The following FTCDNL1 variants were observed in gnomAD, a reference collection of about 807,000 sequenced individuals.
The protein encoded by FTCDNL1 is formiminotransferase cyclodeaminase N-terminal like, also known as formiminotransferase N-terminal subdomain-containing protein.
Under a neutral mutation model 5.9 loss-of-function variants are expected in FTCDNL1, and 11 were observed. The ratio of observed to expected loss-of-function variants is 1.87; its 90% CI spans 1.18 to 3.10. The LOEUF (loss-of-function observed/expected upper bound fraction) is 3.10. FTCDNL1 is among the 30% of genes most tolerant of loss of function. FTCDNL1 has a pLI of 0.00. For missense variants in FTCDNL1, 115 were observed against 65.5 expected (o/e 1.76, Z -2.61); for synonymous variants, 58 against 24.8 (o/e 2.34, Z -3.99).
rs1491523190 is a variant in FTCDNL1 at position 199,765,531 on chromosome 2, A to ATT, written c.212-4698_212-4697dup. On this transcript the variant is annotated intron_variant, in intron 3 of 3. Transcript: ENST00000416668. The stretch of plus-strand genomic sequence containing the variant: ...CACGTGGCATCTCTTTTTTGTCTTC[A>ATT]TTATATATATATATATATATATATA... Among the ~76,000 whole-genome samples the ATT allele has an allele frequency of 2.6e-3, 246 of 94,558 alleles. 4 individuals are homozygous for ATT. The highest frequency in any genetic ancestry group is 7.5e-3 in the African/African-American group (227 of 30,406). 62.0% of individuals were successfully genotyped at this position (94,558 alleles called of 152,430 possible).
At chr2:199,751,729 C>CA in the FTCDNL1 span, among the ~76,000 whole-genome samples, 1 of 139,438 alleles carries the variant, frequency 7.2e-6, no homozygotes, top group Non-Finnish European at 1.5e-5. Context: ...CCAGTTTAAG[C>CA]AAAAAGTGTT....
At chr2:199,831,020 T>C (rs10202415) in intron 3 of FTCDNL1, among the ~76,000 whole-genome samples, 3,631 of 152,302 alleles carry the variant, frequency 0.024, 58 homozygotes, top group Middle Eastern at 0.048. Flanking sequence ...AAAACTCTAC[T>C]GCACATCACT....
At chr2:199,737,933 T>C in the FTCDNL1 span, among the ~76,000 whole-genome samples, 2 of 152,262 alleles carry the variant, frequency 1.3e-5, no homozygotes, top group South Asian at 4.2e-4. Flanking sequence ...AGACATAAGG[T>C]TCCCTGTTTC....
At chr2:199,708,055 C>T in the FTCDNL1 span, among the ~76,000 whole-genome samples, 1 of 151,912 alleles carries the variant, frequency 6.6e-6, no homozygotes, top group Non-Finnish European at 1.5e-5. Context: ...ATTCCAAATA[C>T]ATTTATGTTA....
At chr2:199,728,861 A>T in the FTCDNL1 span, among the ~76,000 whole-genome samples, 1 of 152,260 alleles carries the variant, frequency 6.6e-6, no homozygotes, top group African/African-American at 2.4e-5. Flanking sequence ...ACATCAGGGC[A>T]TGATTGATTA....
At chr2:199,786,983 T>C (rs1699684567) in intron 3 of FTCDNL1, among the ~76,000 whole-genome samples, 1 of 152,192 alleles carries the variant, frequency 6.6e-6, no homozygotes, top group Admixed American at 6.5e-5. Flanking sequence ...GAGGCTGCCC[T>C]CTTTCCCTGG....
chr2:199,839,167 A>C (rs1474453915), intron 3 of FTCDNL1, among the ~76,000 whole-genome samples: 1 of 152,216 alleles, frequency 6.6e-6, no homozygotes, highest in South Asian at 2.1e-4. Context: ...CCTTTAAAAA[A>C]AAAAATACAG....
intron 3 of FTCDNL1, among the ~76,000 whole-genome samples, chr2:199,771,435 TTTAAA>T (rs1249154348): frequency 2.0e-5 from 3 of 152,238 alleles, no homozygotes; most frequent in Non-Finnish European, 2.9e-5. Context: ...TAGCTGCTGA[TTTAAA>T]TTAATTTTGC....
chr2:199,713,913 A>T, the FTCDNL1 span, among the ~76,000 whole-genome samples: 7 of 152,190 alleles, frequency 4.6e-5, no homozygotes, highest in Non-Finnish European at 1.0e-4. Context: ...ACTTATTTTG[A>T]CTTACAGTGG....
Position 199,812,625 on chromosome 2 carries a change from A to G in FTCDNL1, c.*80T>C, listed in dbSNP as rs1701100662. ...TTCGCTCCACTCCCGCCTCCCGCAGATTGGCACTCAGCTGCTCTGGTGGCA... is the reference window on the plus strand; with the variant it reads ...TTCGCTCCACTCCCGCCTCCCGCAGGTTGGCACTCAGCTGCTCTGGTGGCA... On this transcript the variant is annotated 3_prime_UTR_variant, in exon 5 of 5. Coordinates refer to ENST00000420128, the MANE Select transcript of FTCDNL1 (RefSeq NM_001363886.2). 4 of 593,100 alleles carry G rather than the reference A, an allele frequency of 6.7e-6. No individual in the cohort carries two copies. Among genetic ancestry groups the G allele is most frequent in the African/African-American group, 1.9e-5 (1 of 52,766 alleles). 36.7% of individuals were successfully genotyped at this position (593,100 alleles called of 1,614,324 possible). A position where few individuals can be genotyped will look rare whatever the true frequency, so the allele number is the denominator to read the frequency against.
intron 3 of FTCDNL1, among the ~76,000 whole-genome samples, chr2:199,836,763 C>CA (rs1187904169): frequency 8.0e-5 from 12 of 149,474 alleles, no homozygotes; most frequent in Non-Finnish European, 1.3e-4. Flanking sequence ...AACCCTGTTT[C>CA]AAAAAAAAAG....
intron 3 of FTCDNL1, among the ~76,000 whole-genome samples, chr2:199,824,740 T>C (rs1021670587): frequency 6.6e-6 from 1 of 152,218 alleles, no homozygotes; most frequent in African/African-American, 2.4e-5. Context: ...GAACAGCCAG[T>C]CGATGAAGCA....
At chr2:199,695,903 G>A in the FTCDNL1 span, among the ~76,000 whole-genome samples, 80,978 of 151,812 alleles carry the variant, frequency 0.53, 23,668 homozygotes, top group South Asian at 0.7. Flanking sequence ...GGACAGAACA[G>A]GGCTATCTTG....
the FTCDNL1 span, among the ~76,000 whole-genome samples, chr2:199,678,617 A>G: frequency 6.6e-6 from 1 of 151,984 alleles, no homozygotes. Context: ...TATTAAGTGT[A>G]TGATTTATCC....
chr2:199,726,281 C>T, the FTCDNL1 span, among the ~76,000 whole-genome samples: 1 of 152,238 alleles, frequency 6.6e-6, no homozygotes, highest in Admixed American at 6.5e-5. Flanking sequence ...TGGTTAACAG[C>T]TCATGTAATG....
downstream of FTCDNL1, among the ~76,000 whole-genome samples, chr2:199,804,797 T>C (rs4519507): frequency 0.65 from 99,314 of 152,064 alleles, 33,534 homozygotes; most frequent in East Asian, 0.84. Context: ...GAAGCCAGTC[T>C]GAACCCAATC....
intron 3 of FTCDNL1, among the ~76,000 whole-genome samples, chr2:199,844,222 G>C (rs1376528990): frequency 6.6e-6 from 1 of 151,992 alleles, no homozygotes; most frequent in Non-Finnish European, 1.5e-5. Flanking sequence ...GGTAGGAAGT[G>C]GAGGGGTGTG....
intron 3 of FTCDNL1, 100 bp from the exon 4 acceptor site, chr2:199,819,857 T>C: frequency 1.6e-6 from 1 of 621,802 alleles, no homozygotes; most frequent in African/African-American, 1.8e-5. Flanking sequence ...ATATTTAACA[T>C]AGAACTCATC....
the FTCDNL1 span, among the ~76,000 whole-genome samples, chr2:199,729,703 G>A: frequency 1.3e-5 from 2 of 152,200 alleles, no homozygotes; most frequent in East Asian, 3.9e-4. Flanking sequence ...AAATATTATA[G>A]GATGCAAACA....
Sources: gnomAD v4.1 joint callset for allele counts (sites outside exome capture counted in the v4.1 genomes callset) on GRCh38, gnomAD v4.1.1 for gene constraint, MANE v1.5 for transcripts, NCBI Gene and HGNC (gene_info 2026-07-23, HGNC 2026-07-21) for gene names.